The following HAO2 variants were observed in gnomAD, a reference collection of about 807,000 sequenced individuals.
HAO2 encodes 2-Hydroxyacid oxidase 2.
In HAO2, 42 loss-of-function variants were observed where a neutral mutation model predicts 37.4. The ratio of observed to expected loss-of-function variants is 1.12; its 90% confidence interval spans 0.88 to 1.45. The LOEUF is 1.45. Ranked by LOEUF, HAO2 falls within the 40% of genes most tolerant of loss-of-function variation. HAO2 has a pLI of 0.00. For missense variants in HAO2, 476 were observed against 430.2 expected (o/e 1.11, Z -0.94); for synonymous variants, 180 against 162.8 (o/e 1.11, Z -0.81).
At chr1:119,391,827 C>G (rs937411035) in intron 5 of HAO2, among the ~76,000 whole-genome samples, 2 of 152,054 alleles carry the variant, frequency 1.3e-5, no homozygotes, top group African/African-American at 4.8e-5. Context: ...GGAAAATGTC[C>G]CTTTTAGGAT....
In HAO2 at chr1:119,387,041, C is replaced by T. The variant is rs183531231; in HGVS notation, c.771+210C>T. Reference sequence around the variant, plus strand: ...CTGTTTTTTCAACCTTTACATATAGCATCTCTAAGTCTCATGCCAATGCTG... The same window carrying T: ...CTGTTTTTTCAACCTTTACATATAGTATCTCTAAGTCTCATGCCAATGCTG... On this transcript the variant is annotated intron_variant, in intron 5 of 7. Transcript: ENST00000325945. 1.6e-4 allele frequency among the ~76,000 whole-genome samples: 25 copies of T among 152,230 alleles called. No homozygotes were observed. In the East Asian group the frequency reaches 4.2e-3, roughly 26 times the overall value.
intron 1 of HAO2, among the ~76,000 whole-genome samples, chr1:119,374,354 C>G (rs1376254779): frequency 1.3e-5 from 2 of 152,198 alleles, no homozygotes; most frequent in African/African-American, 4.8e-5. Context: ...TCTCCCCTGA[C>G]AGTGCTGTTG....
At chr1:119,369,528 A>T (rs965634328) in intron 1 of HAO2, among the ~76,000 whole-genome samples, 2 of 152,234 alleles carry the variant, frequency 1.3e-5, no homozygotes, top group Non-Finnish European at 2.9e-5. Context: ...ATGGAACAGA[A>T]TAAAGCGTCC....
chr1:119,386,977 GGACTGTT>G lies in HAO2; in HGVS notation c.771+147_771+153del, dbSNP rs1650440058. On this transcript the variant is annotated intron_variant, in intron 5 of 7. Transcript: ENST00000325945. The stretch of plus-strand genomic sequence containing the variant: ...GTTGGTATGTATCTGTGAATTTTAA[GGACTGTT>G]AATTATTATTAGTAGCCTACTGTGT... 4 of 627,870 alleles carry G rather than the reference GGACTGTT, an allele frequency of 6.4e-6. No homozygotes were observed. The South Asian group carries it at 7.5e-5, about 12-fold the overall frequency. The allele number at this position is 627,870 out of a possible 1,614,324, so 38.9% of individuals were successfully genotyped here.
At chr1:119,368,933 G>C (rs780826583) in intron 1 of HAO2, 31 bp downstream of exon 1, 2 of 152,306 alleles carry the variant, frequency 1.3e-5, no homozygotes, top group African/African-American at 4.8e-5. Flanking sequence ...TGTGTGCTTG[G>C]AACTGAGAAG....
Position 119,381,094 on chromosome 1 carries a change from G to T in HAO2, c.9G>T (p.Leu3Phe), listed in dbSNP as rs377098406. 24 of 1,613,322 alleles carry T rather than the reference G, an allele frequency of 1.5e-5. No individual in the cohort carries two copies. Among genetic ancestry groups the T allele is most frequent in the South Asian group, 6.6e-5 (6 of 91,068 alleles). ...CCTTGGAAGGTCCAGAAATGTCCTTGGTGTGTTTGACAGACTTTCAGGCCC... is the reference window on the plus strand; with the variant it reads ...CCTTGGAAGGTCCAGAAATGTCCTTTGTGTGTTTGACAGACTTTCAGGCCC... MS[L>F]VCLTDFQAHA... The change falls in exon 2 of 8, where the codon TTG becomes TTT. Residue 3 changes from leucine (L) to phenylalanine (F), a missense_variant. Transcript: ENST00000325945.
chr1:119,370,983 A>T (rs1355641616), intron 1 of HAO2, among the ~76,000 whole-genome samples: 4 of 152,180 alleles, frequency 2.6e-5, no homozygotes, highest in Admixed American at 2.6e-4. Context: ...GTGAATTCTG[A>T]TGTCTGTTTT....
intron 1 of HAO2, among the ~76,000 whole-genome samples, chr1:119,377,961 G>A (rs1382127441): frequency 2.0e-5 from 3 of 152,222 alleles, no homozygotes; most frequent in African/African-American, 7.2e-5. Context: ...CAGCTACTCA[G>A]GAGGCTGAGG....
chr1:119,379,675 G>T (rs1649761351), intron 1 of HAO2, among the ~76,000 whole-genome samples: 2 of 152,098 alleles, frequency 1.3e-5, no homozygotes, highest in South Asian at 4.2e-4. Context: ...TCTATAAAAG[G>T]TGCTATGGCT....
In HAO2 at chr1:119,392,646, A is replaced by G. The variant is rs1366813704; in HGVS notation, c.959A>G (p.Asn320Ser). 6.2e-7 allele frequency: 1 copy of G among 1,610,492 alleles called. No homozygotes were observed. Among genetic ancestry groups the G allele is most frequent in the East Asian group, 2.2e-5 (1 of 44,836 alleles). The stretch of plus-strand genomic sequence containing the variant: ...GAACATGGTGTTAAGGAAGTTTTGA[A>G]CATTTTAACAAATGAGTTCCACACT... ...KGEHGVKEVL[N>S]ILTNEFHTSM... Residue 320 changes from asparagine to serine, a missense_variant, in exon 7 of 8, where the codon AAC becomes AGC. Asn to Ser is a conservative substitution (Grantham distance 46, BLOSUM62 1). Transcript: ENST00000325945.
At chr1:119,385,891 A>G (rs1650344604) in intron 4 of HAO2, 2 of 984,264 alleles carry the variant, frequency 2.0e-6, no homozygotes, top group Admixed American at 1.2e-4. Flanking sequence ...TGGTGAGCCA[A>G]GAGTAAATAT....
chr1:119,369,046 T>C (rs1648740033), intron 1 of HAO2, 144 bp downstream of exon 1: 1 of 152,192 alleles, frequency 6.6e-6, no homozygotes, highest in South Asian at 2.1e-4. Context: ...GGGAGACAGG[T>C]GTTAGGGAAC....
chr1:119,371,523 T>C (rs1649010762), intron 1 of HAO2, among the ~76,000 whole-genome samples: 1 of 152,228 alleles, frequency 6.6e-6, no homozygotes, highest in Non-Finnish European at 1.5e-5. Flanking sequence ...TCCTCTAAGG[T>C]CCGTGCCAAC....
At chr1:119,385,269 C>T in intron 4 of HAO2, 1 of 985,086 alleles carries the variant, frequency 1.0e-6, no homozygotes, top group South Asian at 4.7e-5. Flanking sequence ...ATGTTCTCAC[C>T]CTTGGAGCTG....
At chr1:119,371,510 T>A (rs991551721) in intron 1 of HAO2, among the ~76,000 whole-genome samples, 2 of 152,232 alleles carry the variant, frequency 1.3e-5, no homozygotes, top group African/African-American at 4.8e-5. Flanking sequence ...CATGACATTT[T>A]AATCCTCTAA....
At chr1:119,369,185 T>C (rs1259986937) in intron 1 of HAO2, among the ~76,000 whole-genome samples, 10 of 152,142 alleles carry the variant, frequency 6.6e-5, no homozygotes, top group Non-Finnish European at 1.3e-4. Context: ...GAAAAATGGG[T>C]TAAAATGTTT....
chr1:119,376,276 G>C (rs1191947436), intron 1 of HAO2, among the ~76,000 whole-genome samples: 1 of 152,176 alleles, frequency 6.6e-6, no homozygotes, highest in African/African-American at 2.4e-5. Flanking sequence ...ATCCAGCAGA[G>C]CAGTCAAATC....
rs1651136939 is a variant in HAO2, at chr1:119,394,038, T to C, written c.*198T>C. 5.0e-6 allele frequency: 7 copies of C among 1,395,392 alleles called. No homozygotes were observed. Among genetic ancestry groups the C allele is most frequent in the Non-Finnish European group, 6.5e-6 (7 of 1,069,884 alleles). The allele number at this position is 1,395,392 out of a possible 1,614,324, so 86.4% of individuals were successfully genotyped here. ...GTGTTCCCCAAATGTTCCATGCCCT[T>C]CTTTGTATCACTGACTATTATATGT... is the stretch of plus-strand genomic sequence containing the variant. On this transcript the variant is annotated 3_prime_UTR_variant, in exon 8 of 8. Coordinates refer to ENST00000325945, the MANE Select transcript of HAO2 (RefSeq NM_016527.4).
intron 1 of HAO2, 34 bp downstream of exon 1, chr1:119,368,936 C>A (rs752480230): frequency 6.6e-6 from 1 of 152,136 alleles, no homozygotes; most frequent in Non-Finnish European, 1.5e-5. Context: ...GTGCTTGGAA[C>A]TGAGAAGGGT....
Sources: gnomAD v4.1 joint callset for allele counts (sites outside exome capture counted in the v4.1 genomes callset) on GRCh38, gnomAD v4.1.1 for gene constraint, MANE v1.5 for transcripts, NCBI Gene and HGNC (gene_info 2026-07-23, HGNC 2026-07-21) for gene names.